The following LINGO2 variants were observed in gnomAD, a reference collection of about 807,000 sequenced individuals.
LINGO2 encodes the protein leucine rich repeat and Ig domain containing 2.
LINGO2 carries 14 observed loss-of-function variants against 30.6 expected under a neutral mutation model. The observed-to-expected ratio is 0.46, with a 90% CI of 0.30 to 0.72. The LOEUF (loss-of-function observed/expected upper bound fraction) is 0.72, where lower values mean the gene tolerates loss of function less well. Among genes scored for constraint, LINGO2 ranks in the 30% least tolerant of loss-of-function variants. LINGO2 has a pLI of 0.07. For missense variants in LINGO2, 729 were observed against 751.7 expected, an observed-to-expected ratio of 0.97 and a Z score of 0.35; for synonymous variants, 317 against 288.5, an observed-to-expected ratio of 1.10 and a Z score of -1.00.
the LINGO2 span, among the ~76,000 whole-genome samples, chr9:28,918,290 A>C: frequency 6.6e-6 from 1 of 152,286 alleles, no homozygotes; most frequent in African/African-American, 2.4e-5. Context: ...TGAGAAGTGT[A>C]TGGGGAAAAC....
the LINGO2 span, among the ~76,000 whole-genome samples, chr9:28,804,533 GCAAAAACAAAAA>G: frequency 2.9e-4 from 38 of 133,262 alleles, no homozygotes; most frequent in South Asian, 1.3e-3. Flanking sequence ...TGTGTTCACG[GCAAAAACAAAAA>G]CAAAAACAAA....
the LINGO2 span, among the ~76,000 whole-genome samples, chr9:28,782,291 T>G: frequency 1.1e-4 from 16 of 152,174 alleles, no homozygotes; most frequent in Non-Finnish European, 1.8e-4. Context: ...AGACTGAATG[T>G]GGAATCCAAA....
intron 3 of LINGO2, among the ~76,000 whole-genome samples, chr9:28,316,361 T>G (rs1381770104): frequency 1.3e-5 from 2 of 152,134 alleles, no homozygotes; most frequent in Non-Finnish European, 1.5e-5. Flanking sequence ...ATATGTTTTA[T>G]GTAAAAATTG....
the LINGO2 span, among the ~76,000 whole-genome samples, chr9:28,809,078 G>A: frequency 6.6e-6 from 1 of 152,100 alleles, no homozygotes; most frequent in Non-Finnish European, 1.5e-5. Context: ...AAACACATCT[G>A]GCAAGTAGAA....
At chr9:28,237,931 G>A (rs1037473964) in intron 4 of LINGO2, among the ~76,000 whole-genome samples, 2 of 151,960 alleles carry the variant, frequency 1.3e-5, no homozygotes, top group Non-Finnish European at 2.9e-5. Context: ...TAAAGAAATG[G>A]AAAAGGATAT....
the LINGO2 span, among the ~76,000 whole-genome samples, chr9:29,213,510 G>A: frequency 5.3e-3 from 814 of 152,218 alleles, 7 homozygotes; most frequent in African/African-American, 0.018. Flanking sequence ...CGCCAGGTGA[G>A]GAGGCTTTGA....
chr9:28,055,324 C>G (rs1382552874), intron 4 of LINGO2, among the ~76,000 whole-genome samples: 1 of 152,040 alleles, frequency 6.6e-6, no homozygotes, highest in Non-Finnish European at 1.5e-5. Flanking sequence ...CTTGATAGAA[C>G]AGGTACAGGT....
chr9:28,417,618 T>C (rs530366209), intron 2 of LINGO2, among the ~76,000 whole-genome samples: 100 of 152,328 alleles, frequency 6.6e-4, no homozygotes, highest in Middle Eastern at 3.4e-3. Context: ...TGAACTCTTA[T>C]AGAACTCTCA....
At chr9:28,484,219 G>A (rs1826081929) in intron 1 of LINGO2, among the ~76,000 whole-genome samples, 1 of 151,994 alleles carries the variant, frequency 6.6e-6, no homozygotes, top group South Asian at 2.1e-4. Flanking sequence ...AGTTTGTCCA[G>A]TCTATCTCCC....
rs576888003 is a variant in LINGO2 at position 28,327,222 on chromosome 9, A to G, written c.-245-31856T>C. Among the ~76,000 whole-genome samples, 12 of 152,288 alleles carry G rather than the reference A, an allele frequency of 7.9e-5. No homozygotes were observed. The South Asian group carries it at 2.3e-3, about 29-fold the overall frequency. On this transcript the variant is annotated intron_variant, in intron 3 of 5. Transcript: ENST00000379992. ...GGACTTCCCAGCTTCAAGAACTGTG[A>G]GCAATAAATTACTATTGTTTATAGA...
chr9:28,009,286 C>T (rs1040330890), intron 5 of LINGO2, among the ~76,000 whole-genome samples: 2 of 150,626 alleles, frequency 1.3e-5, no homozygotes, highest in Non-Finnish European at 3.0e-5. Flanking sequence ...CTTAGAAGAA[C>T]ACACAGGAAT....
chr9:28,795,670 A>T, the LINGO2 span, among the ~76,000 whole-genome samples: 1 of 152,062 alleles, frequency 6.6e-6, no homozygotes, highest in Non-Finnish European at 1.5e-5. Flanking sequence ...AAGACTGTGC[A>T]TCCATATTGT....
At chr9:28,075,585 A>T (rs1421721154) in intron 4 of LINGO2, among the ~76,000 whole-genome samples, 1 of 151,958 alleles carries the variant, frequency 6.6e-6, no homozygotes, top group Non-Finnish European at 1.5e-5. Context: ...AAATTTTAAA[A>T]ATTTCCAATG....
chr9:29,187,302 T>C, the LINGO2 span, among the ~76,000 whole-genome samples: 1 of 152,146 alleles, frequency 6.6e-6, no homozygotes, highest in African/African-American at 2.4e-5. Flanking sequence ...TAAATCAAAT[T>C]CCTGTGAAGT....
chr9:28,247,935 T>G (rs899381986), intron 4 of LINGO2, among the ~76,000 whole-genome samples: 4 of 152,124 alleles, frequency 2.6e-5, no homozygotes, highest in Non-Finnish European at 5.9e-5. Context: ...TAAAATGGCT[T>G]TTATCCAAAA....
At chr9:28,645,509 G>A (rs556529542) in intron 1 of LINGO2, among the ~76,000 whole-genome samples, 6 of 152,102 alleles carry the variant, frequency 3.9e-5, no homozygotes, top group Admixed American at 6.6e-5. Flanking sequence ...AAAAGGCAAC[G>A]GGCCAAGAGC....
the LINGO2 span, among the ~76,000 whole-genome samples, chr9:28,741,182 G>A: frequency 6.6e-6 from 1 of 152,010 alleles, no homozygotes; most frequent in African/African-American, 2.4e-5. Flanking sequence ...GACCTGGATT[G>A]TGTCTGCTGG....
At chr9:28,938,674 G>T in the LINGO2 span, among the ~76,000 whole-genome samples, 2 of 152,076 alleles carry the variant, frequency 1.3e-5, no homozygotes, top group African/African-American at 4.8e-5. Context: ...TGCTGTACAG[G>T]TTTGTAGCCT....
the LINGO2 span, among the ~76,000 whole-genome samples, chr9:28,936,730 C>A: frequency 1.9e-3 from 283 of 152,236 alleles, 1 homozygote; most frequent in African/African-American, 6.5e-3. Context: ...TGATATATGG[C>A]AAATATTATT....
Sources: allele counts gnomAD v4.1 joint callset (sites outside exome capture counted in the v4.1 genomes callset), GRCh38; gene constraint gnomAD v4.1.1; transcripts MANE v1.5; gene names NCBI Gene and HGNC (gene_info 2026-07-23, HGNC 2026-07-21).